The following TRIM67 variants were observed in gnomAD, a reference collection of about 807,000 sequenced individuals.
The protein encoded by TRIM67 is tripartite motif-containing protein 67.
Under a neutral mutation model 71.0 loss-of-function variants are expected in TRIM67, and 39 were observed. That is an observed-to-expected ratio of 0.55 (90% CI 0.43 to 0.72). The LOEUF is 0.72. Ranked by LOEUF, TRIM67 falls within the 30% of genes least tolerant of loss-of-function variation. The pLI is 0.00. For missense variants in TRIM67, 973 were observed against 1,079.2 expected, an observed-to-expected ratio of 0.90 and a Z score of 1.38; for synonymous variants, 481 against 473.9, an observed-to-expected ratio of 1.01 and a Z score of -0.19.
Position 231,201,524 on chromosome 1 carries a change from C to T in TRIM67, c.1534+7C>T, listed in dbSNP as rs371833706. 337 of 1,612,808 alleles carry T rather than the reference C, an allele frequency of 2.1e-4. 1 individual carries two copies. The South Asian group carries it at 3.0e-3, about 15-fold the overall frequency. The stretch of plus-strand genomic sequence containing the variant: ...ATTCAGATGAAATGTAGGGGTGAGC[C>T]GCGGTTGGCCCCAGTTCAGTCAGTG... On this transcript the variant is annotated splice_region_variant and intron_variant, in intron 5 of 9. Coordinates refer to ENST00000366653, the MANE Select transcript of TRIM67 (RefSeq NM_001004342.5).
intron 1 of TRIM67, among the ~76,000 whole-genome samples, chr1:231,192,615 A>G (rs566524046): frequency 2.6e-4 from 40 of 152,378 alleles, no homozygotes; most frequent in Admixed American, 2.0e-3. Context: ...ATTCACACAC[A>G]AAGGACTGGG....
chr1:231,168,876 G>A (rs1324797155), intron 1 of TRIM67, among the ~76,000 whole-genome samples: 1 of 152,170 alleles, frequency 6.6e-6, no homozygotes, highest in Non-Finnish European at 1.5e-5. Flanking sequence ...AGGGAGAAGT[G>A]TTTCGTAAAA....
In TRIM67 at chr1:231,167,881, A is replaced by G. The variant is rs546073626; in HGVS notation, c.1044+3868A>G. Among the ~76,000 whole-genome samples the G allele has an allele frequency of 1.1e-4, 16 of 152,276 alleles. No homozygotes were observed. In the South Asian group the frequency reaches 2.9e-3, roughly 28 times the overall value. On this transcript the variant is annotated intron_variant, in intron 1 of 9. Coordinates refer to ENST00000366653, the MANE Select transcript of TRIM67 (RefSeq NM_001004342.5). ...GGAAACACCTCTTCTATTAAAAGGG[A>G]TAATACATACGTGACAAAGAACATG... is the stretch of plus-strand genomic sequence containing the variant.
chr1:231,203,088 T>A (rs1288956757), intron 5 of TRIM67, among the ~76,000 whole-genome samples: 1 of 152,140 alleles, frequency 6.6e-6, no homozygotes, highest in Non-Finnish European at 1.5e-5. Flanking sequence ...CGTGCCCAAA[T>A]TCTTGGAACC....
In TRIM67 at chr1:231,200,139, C is replaced by G. The variant is rs1331301117; in HGVS notation, c.1264-9C>G. 6.2e-7 allele frequency: 1 copy of G among 1,606,300 alleles called. No homozygotes were observed. Among genetic ancestry groups the G allele is most frequent in the East Asian group, 2.2e-5 (1 of 44,828 alleles). Reference sequence around the variant, plus strand: ...GAGACAGTTACTTAGAGGAGTCTTTCCATTGCAGATGGTTTGGGACCAGAT... The same window carrying G: ...GAGACAGTTACTTAGAGGAGTCTTTGCATTGCAGATGGTTTGGGACCAGAT... On this transcript the variant is annotated splice_polypyrimidine_tract_variant and intron_variant, in intron 3 of 9. Transcript: ENST00000366653.
Position 231,216,143 on chromosome 1 carries a change from T to G in TRIM67, c.*703T>G. 8.2e-6 allele frequency: 8 copies of G among 976,562 alleles called. No individual in the cohort carries two copies. The highest frequency in any genetic ancestry group is 9.7e-6 in the Non-Finnish European group (8 of 822,136). 60.5% of individuals were successfully genotyped at this position (976,562 alleles called of 1,614,324 possible). ...TCCTCCATCCTTCATTTCTTCTCCC[T>G]CCCTCCTTCTCTTTCTCTCTTCTTC... On this transcript the variant is annotated 3_prime_UTR_variant, in exon 10 of 10. Transcript: ENST00000366653.
intron 7 of TRIM67, among the ~76,000 whole-genome samples, chr1:231,208,335 G>C (rs565629400): frequency 6.6e-6 from 1 of 151,924 alleles, no homozygotes. Context: ...CACCACGCCC[G>C]GCTAATTTTT....
chr1:231,185,237 C>G, intron 1 of TRIM67: 2 of 1,532,714 alleles, frequency 1.3e-6, no homozygotes, highest in Non-Finnish European at 1.7e-6. Context: ...TGAAAACTCC[C>G]TGTGAGAAAG....
chr1:231,214,867 T>C (rs528182602), intron 9 of TRIM67, among the ~76,000 whole-genome samples: 1 of 151,356 alleles, frequency 6.6e-6, no homozygotes, highest in South Asian at 2.1e-4. Context: ...TGGGAGGCCA[T>C]GGCAGGAGAA....
chr1:231,186,113 T>C lies in TRIM67; in HGVS notation c.1045-11258T>C, dbSNP rs1571881875. On this transcript the variant is annotated intron_variant, in intron 1 of 9. Transcript: ENST00000366653. ...AGGCGGCTGGCAGTCGCTTGCTGAA[T>C]GAATACATCGGTGAATGGATGAAGG... 2.6e-6 allele frequency: 4 copies of C among 1,533,202 alleles called. No individual in the cohort carries two copies. The East Asian group carries it at 9.8e-5, about 37-fold the overall frequency. 95.0% of individuals were successfully genotyped at this position (1,533,202 alleles called of 1,614,324 possible). A position where few individuals can be genotyped will look rare whatever the true frequency, so the allele number is the denominator to read the frequency against.
At position 231,215,359 on chromosome 1, in the gene TRIM67, C is replaced by T. The variant is rs764959046; in HGVS notation, c.2287-16C>T. On this transcript the variant is annotated splice_polypyrimidine_tract_variant and intron_variant, in intron 9 of 9. Transcript: ENST00000366653. ...GCAGCCTCTCCCACCCTCACTTGCC[C>T]TGTCTTCTTTTCCAGGTCACCCTGC... 3.4e-5 allele frequency: 55 copies of T among 1,611,640 alleles called. 1 individual carries two copies. In the South Asian group the frequency reaches 5.4e-4, roughly 16 times the overall value.
Position 231,219,559 on chromosome 1 carries a change from G to A in TRIM67, c.*4119G>A. The A allele has an allele frequency of 9.1e-7, 1 of 1,103,032 alleles. No homozygotes were observed. The highest frequency in any genetic ancestry group is 1.7e-5 in the African/African-American group (1 of 59,832). The allele number at this position is 1,103,032 out of a possible 1,614,324, so 68.3% of individuals were successfully genotyped here. A position where few individuals can be genotyped will look rare whatever the true frequency, so the allele number is the denominator to read the frequency against. On this transcript the variant is annotated 3_prime_UTR_variant, in exon 10 of 10. Transcript: ENST00000366653. ...CCTCCAACAGATGCCAACCTGTTGG[G>A]TCTTGAATTTTCACTCACTGAAGAT...
At position 231,218,235 on chromosome 1, in the gene TRIM67, A is replaced by T; in HGVS notation, c.*2795A>T. On this transcript the variant is annotated 3_prime_UTR_variant, in exon 10 of 10. Transcript: ENST00000366653. The stretch of plus-strand genomic sequence containing the variant: ...TCATGGAATTCTCATCCACCATCGA[A>T]TTCCATAACACGTTACATCATGGTG... 9.9e-7 allele frequency: 1 copy of T among 1,009,934 alleles called. No homozygotes were observed. The highest frequency in any genetic ancestry group is 1.7e-5 in the African/African-American group (1 of 58,816). 62.6% of individuals were successfully genotyped at this position (1,009,934 alleles called of 1,614,324 possible). A position where few individuals can be genotyped will look rare whatever the true frequency, so the allele number is the denominator to read the frequency against.
At chr1:231,180,957 TTTTGTTTGTTTG>T (rs201759143) in intron 1 of TRIM67, among the ~76,000 whole-genome samples, 5,395 of 94,916 alleles carry the variant, frequency 0.057, 134 homozygotes, top group Non-Finnish European at 0.098. Flanking sequence ...GAGAAGGTTT[TTTTGTTTGTTTG>T]TTTGTTTGTT....
rs867576210 is a variant in TRIM67 at position 231,199,931 on chromosome 1, G to A, written c.1264-217G>A. Among the ~76,000 whole-genome samples the A allele has an allele frequency of 2.0e-5, 3 of 152,210 alleles. No individual in the cohort carries two copies. In the South Asian group the frequency reaches 6.2e-4, roughly 32 times the overall value. ...GTTTAGAAAGGTTTCTGTGTTGGGT[G>A]TTGTAGCCCTGCTTGTTAGGAAGTG... On this transcript the variant is annotated intron_variant, in intron 3 of 9. Transcript: ENST00000366653.
chr1:231,212,925 G>A (rs990538076), intron 8 of TRIM67, among the ~76,000 whole-genome samples: 2 of 152,106 alleles, frequency 1.3e-5, no homozygotes, highest in East Asian at 1.9e-4. Flanking sequence ...TCAACGTTCC[G>A]CTATTGGTCA....
Position 231,162,795 on chromosome 1 carries a change from C to T in TRIM67, c.-175C>T, listed in dbSNP as rs1682323728. 9 of 760,024 alleles carry T rather than the reference C, an allele frequency of 1.2e-5. No homozygotes were observed. The highest frequency in any genetic ancestry group is 3.0e-5 in the Admixed American group (1 of 33,108). The allele number at this position is 760,024 out of a possible 1,614,324, so 47.1% of individuals were successfully genotyped here. On this transcript the variant is annotated 5_prime_UTR_variant, in exon 1 of 10. Coordinates refer to ENST00000366653, the MANE Select transcript of TRIM67 (RefSeq NM_001004342.5). ...CTCTCGCCCCTCAATCATCTTAGGG[C>T]GGTGGCTACAGGACAGAGAGAGGGG...
rs771930369 is a variant in TRIM67, at chr1:231,208,940, T to A, written c.1820-7T>A. The A allele has an allele frequency of 1.3e-6, 2 of 1,564,552 alleles. No individual in the cohort carries two copies. Among genetic ancestry groups the A allele is most frequent in the African/African-American group, 2.7e-5 (2 of 73,996 alleles). On this transcript the variant is annotated splice_region_variant and splice_polypyrimidine_tract_variant and intron_variant, in intron 7 of 9. Coordinates refer to ENST00000366653, the MANE Select transcript of TRIM67 (RefSeq NM_001004342.5). Reference sequence around the variant, plus strand: ...GACCCTGCTCCTCTCACCTCCTCCCTTTTTAGTGGCCTGGTTCACATTTGA... The same window carrying A: ...GACCCTGCTCCTCTCACCTCCTCCCATTTTAGTGGCCTGGTTCACATTTGA...
chr1:231,206,785 C>T lies in TRIM67; in HGVS notation c.1814C>T (p.Ser605Phe). The T allele has an allele frequency of 6.3e-7, 1 of 1,595,588 alleles. No homozygotes were observed. The highest frequency in any genetic ancestry group is 8.5e-7 in the Non-Finnish European group (1 of 1,171,776). Residue 605 changes from serine to phenylalanine, a missense_variant, in exon 7 of 10, where the codon TCC (serine) becomes TTC (phenylalanine). This residue lies in a region of TRIM67 where 795 missense variants were observed against 831.3 expected (regional missense o/e 0.96). Coordinates refer to ENST00000366653, the MANE Select transcript of TRIM67 (RefSeq NM_001004342.5). ...AGTAAAACTGTCGTCCTGCAGACAT[C>T]CGATGGTGAGCATCGGGATCTCTTA... ...PYSKTVVLQT[S>F]DVAWFTFDPN...
Sources: allele counts gnomAD v4.1 joint callset (sites outside exome capture counted in the v4.1 genomes callset), GRCh38; gene constraint gnomAD v4.1.1; regional missense constraint gnomAD v4.1.1; transcripts MANE v1.5; gene names NCBI Gene and HGNC (gene_info 2026-07-23, HGNC 2026-07-21).